Variants in PCDH15 observed in about 807,000 individuals in gnomAD.
The protein encoded by PCDH15 is protocadherin related 15, also known as protocadherin-15.
In PCDH15, 129 loss-of-function variants were observed where a neutral mutation model predicts 178.5. The observed-to-expected ratio is 0.72, with a 90% confidence interval of 0.63 to 0.84. PCDH15 has a LOEUF of 0.84. PCDH15 is among the 40% of genes least tolerant of loss of function. The pLI is 0.00. For synonymous variants in PCDH15, 800 were observed against 732.0 expected (o/e 1.09, Z -1.50); for missense variants, 2,230 against 2,099.9 (o/e 1.06, Z -1.21).
intron 8 of PCDH15, among the ~76,000 whole-genome samples, chr10:54,305,372 G>A (rs1293605407): frequency 3.9e-5 from 6 of 151,950 alleles, no homozygotes; most frequent in African/African-American, 1.2e-4. Flanking sequence ...AAGTAATACT[G>A]TACACAGAAT....
chr10:55,133,568 A>G (rs575988320), intron 2 of PCDH15, among the ~76,000 whole-genome samples: 2 of 151,656 alleles, frequency 1.3e-5, no homozygotes, highest in African/African-American at 2.4e-5. Context: ...TCTAGCCCTG[A>G]CCTCTTTCCT....
intron 18 of PCDH15, among the ~76,000 whole-genome samples, chr10:54,044,309 G>A (rs893647169): frequency 2.0e-5 from 3 of 152,102 alleles, no homozygotes; most frequent in African/African-American, 4.8e-5. Context: ...CCTGGACAGG[G>A]ATTTGAAGTT....
At chr10:54,077,695 T>G (rs1435374140) in intron 17 of PCDH15, among the ~76,000 whole-genome samples, 1 of 150,086 alleles carries the variant, frequency 6.7e-6, no homozygotes, top group Non-Finnish European at 1.5e-5. Context: ...TCATCATAAG[T>G]CAAGTTCTTC....
At position 55,341,762 on chromosome 10, in the gene PCDH15, CATATATATATATATATATAT is replaced by C. The variant is rs775413614; in HGVS notation, c.-155-175131_-155-175112del. Among the ~76,000 whole-genome samples the C allele has an allele frequency of 6.1e-4, 27 of 44,028 alleles. 1 individual carries two copies. The East Asian group carries it at 6.4e-3, about 10-fold the overall frequency. The allele number at this position is 44,028 out of a possible 152,430, so 28.9% of individuals were successfully genotyped here. The stretch of plus-strand genomic sequence containing the variant: ...TTTTTTTTGTATATACATACATATG[CATATATATATATATATATAT>C]ATATATATATATATATATATATATT... On this transcript the variant is annotated intron_variant, in intron 2 of 5. Coordinates refer to the PCDH15 transcript ENST00000613346.
chr10:55,264,225 AG>A (rs1842223094), intron 1 of PCDH15, among the ~76,000 whole-genome samples: 1 of 152,156 alleles, frequency 6.6e-6, no homozygotes, highest in African/African-American at 2.4e-5. Context: ...CTTCTTTTTA[AG>A]GGTAAGGCCC....
chr10:55,240,910 T>C lies in PCDH15; in HGVS notation c.-155-74259A>G, dbSNP rs181744876. ...TATAATGCACATCTAGAATTGAATA[T>C]TCATTTTTATAAAAACTGTTTTAAG... is the stretch of plus-strand genomic sequence containing the variant. On this transcript the variant is annotated intron_variant, in intron 1 of 5. Transcript: ENST00000458638. Among the ~76,000 whole-genome samples, 578 of 152,268 alleles carry C rather than the reference T, an allele frequency of 3.8e-3. 4 individuals carry two copies. Among genetic ancestry groups the C allele is most frequent in the Non-Finnish European group, 3.2e-3 (220 of 67,994 alleles).
Position 55,101,711 on chromosome 10 carries a change from T to C in PCDH15, c.-80+64865A>G, listed in dbSNP as rs543681515. On this transcript the variant is annotated intron_variant, in intron 2 of 5. Transcript: ENST00000458638. Reference sequence around the variant, plus strand: ...CATTTAAAAATACAATGTGATACAATAGTATAGATGAATTATATATAGAAA... The same window carrying C: ...CATTTAAAAATACAATGTGATACAACAGTATAGATGAATTATATATAGAAA... Among the ~76,000 whole-genome samples the C allele has an allele frequency of 4.0e-5, 6 of 151,658 alleles. No homozygotes were observed. The East Asian group carries it at 1.2e-3, about 29-fold the overall frequency.
chr10:54,234,066 T>C (rs1001388946), intron 9 of PCDH15, among the ~76,000 whole-genome samples: 3 of 152,058 alleles, frequency 2.0e-5, no homozygotes, highest in Non-Finnish European at 4.4e-5. Context: ...GAAGTATTTG[T>C]ATGGATTTAG....
At chr10:55,336,943 A>T (rs7899090) in intron 2 of PCDH15, among the ~76,000 whole-genome samples, 81,151 of 151,934 alleles carry the variant, frequency 0.53, 22,020 homozygotes, top group African/African-American at 0.59. Flanking sequence ...GTGCTACAAA[A>T]GTTTAGCAGC....
At chr10:54,330,267 G>A (rs1186271294) in intron 6 of PCDH15, among the ~76,000 whole-genome samples, 5 of 151,816 alleles carry the variant, frequency 3.3e-5, no homozygotes, top group African/African-American at 1.2e-4. Flanking sequence ...ATTATAGAGT[G>A]TAGATTCACA....
intron 2 of PCDH15, among the ~76,000 whole-genome samples, chr10:55,424,098 T>C (rs759249608): frequency 1.3e-5 from 2 of 152,132 alleles, no homozygotes; most frequent in Non-Finnish European, 2.9e-5. Context: ...TATGACAAGA[T>C]GTCAAACTCC....
chr10:55,243,741 T>A (rs1173832511), intron 1 of PCDH15, among the ~76,000 whole-genome samples: 1 of 152,212 alleles, frequency 6.6e-6, no homozygotes, highest in African/African-American at 2.4e-5. Flanking sequence ...CTCTCTAAAG[T>A]GAGCTCTCAG....
intron 14 of PCDH15, among the ~76,000 whole-genome samples, chr10:54,146,011 G>A (rs1490768565): frequency 6.6e-6 from 1 of 151,936 alleles, no homozygotes; most frequent in Admixed American, 6.6e-5. Flanking sequence ...ACCTGTGCCT[G>A]CATCTGAATC....
At chr10:54,940,838 A>G (rs552223474) in intron 2 of PCDH15, among the ~76,000 whole-genome samples, 1 of 152,062 alleles carries the variant, frequency 6.6e-6, no homozygotes, top group Non-Finnish European at 1.5e-5. Flanking sequence ...TATTACTAAT[A>G]TGGTTCCTCT....
chr10:55,250,531 A>ATT (rs1554845274), intron 1 of PCDH15, among the ~76,000 whole-genome samples: 2 of 137,962 alleles, frequency 1.4e-5, no homozygotes, highest in African/African-American at 2.8e-5. Context: ...ATTTAAATAA[A>ATT]TTCTTTTTTT....
intron 2 of PCDH15, among the ~76,000 whole-genome samples, chr10:54,642,961 G>A (rs1245769071): frequency 4.6e-5 from 7 of 152,096 alleles, no homozygotes; most frequent in African/African-American, 7.2e-5. Flanking sequence ...CTCGCTCTCT[G>A]TCCCAGGCTG....
At chr10:54,234,389 T>G (rs1208837170) in intron 9 of PCDH15, among the ~76,000 whole-genome samples, 1 of 152,138 alleles carries the variant, frequency 6.6e-6, no homozygotes, top group Admixed American at 6.6e-5. Context: ...GTTAATCCTA[T>G]ATTAAAGAAG....
intron 21 of PCDH15, among the ~76,000 whole-genome samples, chr10:53,979,429 T>A (rs1652127735): frequency 6.6e-6 from 1 of 152,224 alleles, no homozygotes; most frequent in African/African-American, 2.4e-5. Context: ...GTGAAGATTA[T>A]GGGAACTACG....
chr10:55,065,539 A>T (rs1841541768), intron 2 of PCDH15, among the ~76,000 whole-genome samples: 2 of 152,144 alleles, frequency 1.3e-5, no homozygotes, highest in Non-Finnish European at 1.5e-5. Flanking sequence ...TCTTGTATGT[A>T]TCTGTTTACA....
Sources: allele counts gnomAD v4.1 joint callset (sites outside exome capture counted in the v4.1 genomes callset), GRCh38; gene constraint gnomAD v4.1.1; transcripts MANE v1.5; gene names NCBI Gene and HGNC (gene_info 2026-07-23, HGNC 2026-07-21).